The following RHOBTB2 variants were observed in gnomAD, a reference collection of about 807,000 sequenced individuals.
The protein encoded by RHOBTB2 is rho-related BTB domain-containing protein 2.
Under a neutral mutation model 66.5 loss-of-function variants are expected in RHOBTB2, and 39 were observed. That is an observed-to-expected ratio of 0.59 (90% CI 0.45 to 0.77). The LOEUF (loss-of-function observed/expected upper bound fraction) is 0.77, where lower values mean the gene tolerates loss of function less well. Ranked by LOEUF, RHOBTB2 falls within the 30% of genes least tolerant of loss-of-function variation. The pLI is 0.00. For synonymous variants in RHOBTB2, 390 were observed against 395.0 expected, an observed-to-expected ratio of 0.99 and a Z score of 0.15; for missense variants, 755 against 999.1, an observed-to-expected ratio of 0.76 and a Z score of 3.29.
At position 23,006,277 on chromosome 8, in the gene RHOBTB2, A is replaced by G; in HGVS notation, c.482+132A>G. ...TGGAGCAAGCTTGCATTGGGAGTCA[A>G]CAAGCATGCTCATTCATTCATTCAT... On this transcript the variant is annotated intron_variant, in intron 4 of 9. Transcript: ENST00000251822. The surrounding 1 kb of genome is among the most constrained non-coding windows in gnomAD (Gnocchi z 6.1). 1.3e-6 allele frequency: 1 copy of G among 752,676 alleles called. No individual in the cohort carries two copies. Among genetic ancestry groups the G allele is most frequent in the Middle Eastern group, 3.8e-4 (1 of 2,616 alleles). The allele number at this position is 752,676 out of a possible 1,614,324, so 46.6% of individuals were successfully genotyped here.
intron 8 of RHOBTB2, 72 bp from the exon 9 acceptor site, chr8:23,015,566 C>G (rs1374276334): frequency 9.6e-7 from 1 of 1,043,358 alleles, no homozygotes; most frequent in Non-Finnish European, 1.5e-6. Context: ...GCTCTGAAGG[C>G]AGCTGGAGGT....
chr8:23,012,907 G>A (rs370698683), intron 7 of RHOBTB2, among the ~76,000 whole-genome samples: 5 of 152,132 alleles, frequency 3.3e-5, no homozygotes, highest in East Asian at 3.9e-4. Context: ...GGGTTCAAGC[G>A]ATTCTCCTGC....
the RHOBTB2 span, among the ~76,000 whole-genome samples, chr8:22,966,623 GA>G: frequency 1.3e-4 from 18 of 141,056 alleles, no homozygotes; most frequent in African/African-American, 3.4e-4. Flanking sequence ...TCCATGAAAA[GA>G]AAAAAAAAAG....
Position 23,004,733 on chromosome 8 carries a change from G to C in RHOBTB2, c.192+107G>C, listed in dbSNP as rs1585189420. 1 of 1,113,020 alleles carries C rather than the reference G, an allele frequency of 9.0e-7. No homozygotes were observed. The highest frequency in any genetic ancestry group is 1.3e-6 in the Non-Finnish European group (1 of 771,134). The allele number at this position is 1,113,020 out of a possible 1,614,324, so 68.9% of individuals were successfully genotyped here. On this transcript the variant is annotated intron_variant, in intron 2 of 9. Coordinates refer to ENST00000251822, the MANE Select transcript of RHOBTB2 (RefSeq NM_015178.3). The surrounding 1 kb of genome is among the most constrained non-coding windows in gnomAD (Gnocchi z 6.4). ...CCAGAGCTCACGGGAGCCCTCTAGG[G>C]GTGGGACAGGATGGGTTGGGGGCAG...
chr8:23,015,198 T>C (rs1000846522), intron 8 of RHOBTB2, among the ~76,000 whole-genome samples: 65 of 152,120 alleles, frequency 4.3e-4, no homozygotes, highest in African/African-American at 1.5e-3. Flanking sequence ...CAAAGATTAG[T>C]GTGTGGAGTG....
the RHOBTB2 span, among the ~76,000 whole-genome samples, chr8:22,961,801 A>C: frequency 6.6e-6 from 1 of 152,322 alleles, no homozygotes; most frequent in East Asian, 1.9e-4. Context: ...TGCTTACAGC[A>C]GTTATGGGGA....
intron 7 of RHOBTB2, 129 bp downstream of exon 7, chr8:23,010,817 G>A (rs1811126095): frequency 9.6e-7 from 1 of 1,039,492 alleles, no homozygotes; most frequent in Non-Finnish European, 1.4e-6. Context: ...TACATGAAAT[G>A]GAATCTGTTG....
chr8:22,959,934 C>T, the RHOBTB2 span, among the ~76,000 whole-genome samples: 42 of 144,674 alleles, frequency 2.9e-4, no homozygotes, highest in African/African-American at 9.9e-4. Context: ...GAGGCTGAGG[C>T]GGGCAGATCA....
upstream of RHOBTB2, among the ~76,000 whole-genome samples, chr8:22,983,394 T>C (rs1585176221): frequency 1.4e-5 from 2 of 147,732 alleles, no homozygotes; most frequent in South Asian, 2.2e-4. Flanking sequence ...CACATGCCTG[T>C]AATATTAGCA....
In RHOBTB2 at chr8:23,006,577, G is replaced by A. The variant is rs1425748582; in HGVS notation, c.483-151G>A. ...AAAAGGGCTTGGAGTGGACCTTGAA[G>A]GAGCTTGATGGGATTTGGCCAGACA... On this transcript the variant is annotated intron_variant, in intron 4 of 9. Transcript: ENST00000251822. The surrounding 1 kb of genome is among the most constrained non-coding windows in gnomAD (Gnocchi z 6.1). 4 of 753,512 alleles carry A rather than the reference G, an allele frequency of 5.3e-6. No individual in the cohort carries two copies. Among genetic ancestry groups the A allele is most frequent in the African/African-American group, 5.3e-5 (3 of 56,762 alleles). 46.7% of individuals were successfully genotyped at this position (753,512 alleles called of 1,614,324 possible). A position where few individuals can be genotyped will look rare whatever the true frequency, so the allele number is the denominator to read the frequency against.
At chr8:22,996,303 G>A (rs1810554408), upstream of RHOBTB2, among the ~76,000 whole-genome samples, 1 of 152,116 alleles carries the variant, frequency 6.6e-6, no homozygotes, top group South Asian at 2.1e-4. Flanking sequence ...ATTGTAGAAT[G>A]GAACCTGCCT....
chr8:23,012,869 TC>T (rs1265603438), intron 7 of RHOBTB2, among the ~76,000 whole-genome samples: 5 of 152,176 alleles, frequency 3.3e-5, no homozygotes, highest in African/African-American at 1.2e-4. Flanking sequence ...AGTGGTGCAA[TC>T]CTGGCTCACT....
the RHOBTB2 span, among the ~76,000 whole-genome samples, chr8:22,967,708 G>C: frequency 1.4e-5 from 2 of 146,622 alleles, no homozygotes; most frequent in East Asian, 4.1e-4. Flanking sequence ...GTAGTTGCTA[G>C]GGGCTGTGGA....
the RHOBTB2 span, among the ~76,000 whole-genome samples, chr8:22,952,377 CCT>C: frequency 3.9e-5 from 6 of 152,104 alleles, no homozygotes; most frequent in Non-Finnish European, 7.4e-5. Context: ...TTTAAAATCC[CCT>C]GATTTCTGCC....
At chr8:23,000,343 G>C (rs539759430) in intron 1 of RHOBTB2, among the ~76,000 whole-genome samples, 1 of 152,278 alleles carries the variant, frequency 6.6e-6, no homozygotes, top group African/African-American at 2.4e-5. Flanking sequence ...CCTTCTCGAT[G>C]TTTAAAAATT....
chr8:23,003,277 G>A (rs1220687317), intron 1 of RHOBTB2, among the ~76,000 whole-genome samples: 4 of 152,208 alleles, frequency 2.6e-5, no homozygotes, highest in East Asian at 1.9e-4. Context: ...TTTTAAACAC[G>A]AACATGACAT....
At chr8:22,964,367 C>CATA in the RHOBTB2 span, among the ~76,000 whole-genome samples, 3 of 152,250 alleles carry the variant, frequency 2.0e-5, no homozygotes, top group East Asian at 5.8e-4. Flanking sequence ...GAATGGAGCT[C>CATA]ATAAGTAAGC....
At chr8:22,971,522 C>T in the RHOBTB2 span, among the ~76,000 whole-genome samples, 4 of 152,216 alleles carry the variant, frequency 2.6e-5, no homozygotes, top group Admixed American at 2.6e-4. Context: ...GAAGAGCAAC[C>T]TGCACGCACT....
chr8:22,959,173 C>T, the RHOBTB2 span, among the ~76,000 whole-genome samples: 4 of 152,188 alleles, frequency 2.6e-5, no homozygotes, highest in South Asian at 2.1e-4. Flanking sequence ...CTCCCTTCGC[C>T]GCACTACCCC....
Sources: gnomAD v4.1 joint callset for allele counts (sites outside exome capture counted in the v4.1 genomes callset) on GRCh38, gnomAD v4.1.1 for gene constraint, Gnocchi (gnomAD v3.1) non-coding constraint, MANE v1.5 for transcripts, NCBI Gene and HGNC (gene_info 2026-07-23, HGNC 2026-07-21) for gene names.